The following DOCK4 variants were observed in gnomAD, a reference collection of about 807,000 sequenced individuals.
DOCK4 encodes the protein dedicator of cytokinesis 4.
In DOCK4, 97 loss-of-function variants were observed where a neutral mutation model predicts 268.1. The observed-to-expected ratio is 0.36, with a 90% CI of 0.31 to 0.43. The LOEUF (loss-of-function observed/expected upper bound fraction) is 0.43, where lower values mean the gene tolerates loss of function less well. DOCK4 is among the 20% of genes least tolerant of loss of function. The pLI is 1.00. For missense variants in DOCK4, 2,145 were observed against 2,455.7 expected (o/e 0.87, Z 2.67); for synonymous variants, 954 against 887.2 (o/e 1.08, Z -1.34).
chr7:111,896,513 A>G (rs1179432910), intron 15 of DOCK4, among the ~76,000 whole-genome samples: 2 of 150,304 alleles, frequency 1.3e-5, no homozygotes, highest in Non-Finnish European at 3.0e-5. Context: ...TTTTCCTCCA[A>G]AAATGGAGAA....
chr7:111,990,490 T>A (rs29470), intron 5 of DOCK4, among the ~76,000 whole-genome samples: 68,594 of 152,028 alleles, frequency 0.45, 15,822 homozygotes, highest in African/African-American at 0.51. Context: ...AAAGACATTC[T>A]GTCATCACGT....
chr7:111,978,973 C>G (rs6946182), intron 7 of DOCK4, among the ~76,000 whole-genome samples: 15,265 of 152,118 alleles, frequency 0.1, 1,061 homozygotes, highest in East Asian at 0.33. Flanking sequence ...AAAACTACCT[C>G]TTTTGGATCA....
In DOCK4 at chr7:111,771,275, T is replaced by C. The variant is rs538326973; in HGVS notation, c.3680-1598A>G. On this transcript the variant is annotated intron_variant, in intron 36 of 52. Transcript: ENST00000428084. ...CCCACCTCCATCTCTTTTAAGAAGC[T>C]TCAGTAGCTGCTGAGGCTCCAGTCC... 1.0e-3 allele frequency among the ~76,000 whole-genome samples: 156 copies of C among 152,300 alleles called. 1 individual carries two copies. The highest frequency in any genetic ancestry group is 3.7e-3 in the African/African-American group (154 of 41,556).
intron 1 of DOCK4, among the ~76,000 whole-genome samples, chr7:112,150,784 G>A (rs1815984269): frequency 6.6e-6 from 1 of 152,124 alleles, no homozygotes; most frequent in African/African-American, 2.4e-5. Flanking sequence ...CCCAATGTTA[G>A]ACCATGGTCC....
At chr7:111,878,847 T>C (rs921169322) in intron 16 of DOCK4, among the ~76,000 whole-genome samples, 1 of 152,088 alleles carries the variant, frequency 6.6e-6, no homozygotes, top group African/African-American at 2.4e-5. Flanking sequence ...CTTGCTACCA[T>C]GGGCTGAAGT....
chr7:111,837,683 T>C (rs984724499), intron 25 of DOCK4, among the ~76,000 whole-genome samples: 7 of 152,180 alleles, frequency 4.6e-5, no homozygotes, highest in African/African-American at 1.7e-4. Flanking sequence ...TGACAAAAGA[T>C]GTATAAAATC....
intron 8 of DOCK4, among the ~76,000 whole-genome samples, chr7:111,963,175 C>A (rs576312905): frequency 6.6e-6 from 1 of 152,252 alleles, no homozygotes; most frequent in Non-Finnish European, 1.5e-5. Context: ...TTCACTGGTC[C>A]ATAAAAATTT....
At chr7:111,765,996 G>A (rs973478752) in intron 38 of DOCK4, among the ~76,000 whole-genome samples, 5 of 152,098 alleles carry the variant, frequency 3.3e-5, no homozygotes, top group Non-Finnish European at 5.9e-5. Flanking sequence ...AAAAATCTTA[G>A]TGACTATGGC....
intron 28 of DOCK4, 139 bp from the exon 29 acceptor site, chr7:111,809,540 G>T: frequency 1.5e-6 from 1 of 649,554 alleles, no homozygotes; most frequent in Non-Finnish European, 2.7e-6. Context: ...GATAATAGTT[G>T]AAGCTGGATA....
intron 42 of DOCK4, among the ~76,000 whole-genome samples, chr7:111,749,970 T>C (rs1796523357): frequency 6.6e-6 from 1 of 152,166 alleles, no homozygotes; most frequent in Non-Finnish European, 1.5e-5. Context: ...TCTAGGGAAA[T>C]ATAAGGGGAC....
intron 30 of DOCK4, among the ~76,000 whole-genome samples, chr7:111,797,067 A>C (rs1181532225): frequency 8.5e-5 from 13 of 152,194 alleles, no homozygotes; most frequent in Admixed American, 8.5e-4. Flanking sequence ...ATGGGTAATA[A>C]ATTATCTTCA....
chr7:112,079,065 T>C (rs762437263), intron 1 of DOCK4, among the ~76,000 whole-genome samples: 1 of 152,170 alleles, frequency 6.6e-6, no homozygotes, highest in Non-Finnish European at 1.5e-5. Flanking sequence ...GGGCAAAGAT[T>C]GCAGTGAGCT....
intron 8 of DOCK4, among the ~76,000 whole-genome samples, chr7:111,972,816 T>C (rs1212849728): frequency 6.6e-6 from 1 of 152,000 alleles, no homozygotes; most frequent in African/African-American, 2.4e-5. Flanking sequence ...TGTCCTTCTA[T>C]CTTTAATTTT....
chr7:112,016,659 C>G (rs1307361791), intron 1 of DOCK4, among the ~76,000 whole-genome samples: 4 of 152,112 alleles, frequency 2.6e-5, no homozygotes, highest in African/African-American at 9.7e-5. Context: ...CAATCAAAAC[C>G]TGTAATGGGT....
intron 15 of DOCK4, among the ~76,000 whole-genome samples, chr7:111,899,846 C>T (rs987036014): frequency 1.3e-5 from 2 of 152,168 alleles, no homozygotes; most frequent in Admixed American, 6.5e-5. Context: ...ATTGCTTGAG[C>T]CTGGGAGGCG....
At chr7:112,204,099 A>C (rs1821174069) in intron 1 of DOCK4, among the ~76,000 whole-genome samples, 1 of 152,054 alleles carries the variant, frequency 6.6e-6, no homozygotes, top group Non-Finnish European at 1.5e-5. Context: ...ACAACCACCC[A>C]AAACCGAGGT....
intron 1 of DOCK4, among the ~76,000 whole-genome samples, chr7:112,056,436 A>G (rs1211339183): frequency 2.6e-5 from 4 of 152,204 alleles, no homozygotes; most frequent in Non-Finnish European, 4.4e-5. Flanking sequence ...CTACTAAACT[A>G]TATTAAAAAT....
At chr7:112,128,277 C>T (rs1332640216) in intron 1 of DOCK4, among the ~76,000 whole-genome samples, 2 of 151,650 alleles carry the variant, frequency 1.3e-5, no homozygotes, top group African/African-American at 2.4e-5. Flanking sequence ...CCAGCCGCCC[C>T]GTCCGGGAGG....
At chr7:112,183,185 C>T (rs958112629) in intron 1 of DOCK4, among the ~76,000 whole-genome samples, 8 of 152,132 alleles carry the variant, frequency 5.3e-5, no homozygotes, top group Admixed American at 2.0e-4. Flanking sequence ...ATTTACCAAC[C>T]AATTGCCAAT....
Sources: allele counts gnomAD v4.1 joint callset (sites outside exome capture counted in the v4.1 genomes callset), GRCh38; gene constraint gnomAD v4.1.1; transcripts MANE v1.5; gene names NCBI Gene and HGNC (gene_info 2026-07-23, HGNC 2026-07-21).